The following SLC30A8 variants were observed in gnomAD, a reference collection of about 807,000 sequenced individuals.
SLC30A8 encodes solute carrier family 30 member 8.
In SLC30A8, 27 loss-of-function variants were observed where a neutral mutation model predicts 36.9. The observed-to-expected ratio is 0.73, with a 90% CI of 0.54 to 1.01. The LOEUF (loss-of-function observed/expected upper bound fraction) is 1.01, where lower values mean the gene tolerates loss of function less well. Ranked by LOEUF, SLC30A8 falls within the 50% of genes least tolerant of loss-of-function variation. The pLI is 0.00. For missense variants in SLC30A8, 439 were observed against 452.0 expected (o/e 0.97, Z 0.26); for synonymous variants, 164 against 172.4 (o/e 0.95, Z 0.38).
intron 1 of SLC30A8, among the ~76,000 whole-genome samples, chr8:117,137,625 G>A (rs2130938663): frequency 6.6e-6 from 1 of 152,098 alleles, no homozygotes; most frequent in Middle Eastern, 3.4e-3. Context: ...TGAGATCTTT[G>A]TGTTGGCTTT....
chr8:116,973,799 C>A (rs897456044), intron 1 of SLC30A8, among the ~76,000 whole-genome samples: 1 of 152,148 alleles, frequency 6.6e-6, no homozygotes, highest in Non-Finnish European at 1.5e-5. Context: ...TATTACAAGG[C>A]TACAGTAACC....
chr8:117,069,024 G>T (rs987386172), intron 2 of SLC30A8, among the ~76,000 whole-genome samples: 1 of 151,890 alleles, frequency 6.6e-6, no homozygotes, highest in African/African-American at 2.4e-5. Context: ...GCCTTTATTT[G>T]CCATTTTGCT....
intron 1 of SLC30A8, among the ~76,000 whole-genome samples, chr8:116,992,344 G>A (rs1415970221): frequency 6.6e-6 from 1 of 152,092 alleles, no homozygotes; most frequent in African/African-American, 2.4e-5. Flanking sequence ...AATTATAAAC[G>A]TTGGATTAAA....
At chr8:116,961,119 T>C (rs1814401899) in intron 1 of SLC30A8, among the ~76,000 whole-genome samples, 1 of 152,152 alleles carries the variant, frequency 6.6e-6, no homozygotes, top group South Asian at 2.1e-4. Flanking sequence ...TCTATATTAA[T>C]GGAGTGCCTT....
intron 2 of SLC30A8, among the ~76,000 whole-genome samples, chr8:117,097,415 AAAAAT>A (rs1217414188): frequency 0.01 from 1,146 of 113,482 alleles, 21 homozygotes; most frequent in Non-Finnish European, 0.016. Flanking sequence ...AAAAAAAAAA[AAAAAT>A]ATATATAAAT....
chr8:116,979,303 A>C (rs938141751), intron 1 of SLC30A8, among the ~76,000 whole-genome samples: 1 of 151,290 alleles, frequency 6.6e-6, no homozygotes, highest in Non-Finnish European at 1.5e-5. Context: ...TCTTTTAAGC[A>C]CTCATTCTAG....
At chr8:117,080,291 C>T (rs1236117683) in intron 2 of SLC30A8, among the ~76,000 whole-genome samples, 2 of 152,080 alleles carry the variant, frequency 1.3e-5, no homozygotes, top group Non-Finnish European at 2.9e-5. Flanking sequence ...CTACTGTTAA[C>T]ATTTGGCGCA....
At chr8:117,088,135 G>A (rs1818954471) in intron 2 of SLC30A8, among the ~76,000 whole-genome samples, 1 of 152,108 alleles carries the variant, frequency 6.6e-6, no homozygotes, top group African/African-American at 2.4e-5. Context: ...GCATAAGGCA[G>A]AGATCCAGAA....
chr8:117,116,119 A>G (rs1820432295), intron 2 of SLC30A8, among the ~76,000 whole-genome samples: 1 of 152,034 alleles, frequency 6.6e-6, no homozygotes, highest in South Asian at 2.1e-4. Context: ...CAATAGGACC[A>G]GTGTGGTTGG....
chr8:117,028,204 A>G (rs1449146949), intron 1 of SLC30A8, among the ~76,000 whole-genome samples: 1 of 152,172 alleles, frequency 6.6e-6, no homozygotes, highest in East Asian at 1.9e-4. Flanking sequence ...CTAATCTCAT[A>G]TCACAATCAC....
intron 1 of SLC30A8, among the ~76,000 whole-genome samples, chr8:117,137,623 TTG>T (rs1821422743): frequency 6.6e-6 from 1 of 151,948 alleles, no homozygotes; most frequent in Admixed American, 6.6e-5. Context: ...ACTGAGATCT[TTG>T]TGTTGGCTTT....
chr8:116,993,896 A>G (rs1815730408), intron 1 of SLC30A8, among the ~76,000 whole-genome samples: 1 of 152,004 alleles, frequency 6.6e-6, no homozygotes, highest in East Asian at 1.9e-4. Context: ...TTATACCAAT[A>G]CATTTAAAAT....
At chr8:116,970,948 A>T (rs1814775385) in intron 1 of SLC30A8, among the ~76,000 whole-genome samples, 1 of 152,146 alleles carries the variant, frequency 6.6e-6, no homozygotes, top group African/African-American at 2.4e-5. Flanking sequence ...CACAAAAGTT[A>T]GCCAGTTGTA....
At chr8:116,980,677 T>A (rs1815219620) in intron 1 of SLC30A8, among the ~76,000 whole-genome samples, 1 of 152,112 alleles carries the variant, frequency 6.6e-6, no homozygotes, top group African/African-American at 2.4e-5. Context: ...GAAAGGGGAA[T>A]AGAAAACTCT....
At chr8:117,049,966 ATG>A (rs1586442912) in intron 2 of SLC30A8, among the ~76,000 whole-genome samples, 2 of 152,148 alleles carry the variant, frequency 1.3e-5, no homozygotes, top group East Asian at 3.8e-4. Flanking sequence ...TGACCCGGGT[ATG>A]TGTCTTTCTT....
At chr8:117,054,953 G>C (rs1335196219) in intron 2 of SLC30A8, among the ~76,000 whole-genome samples, 1 of 152,122 alleles carries the variant, frequency 6.6e-6, no homozygotes, top group Non-Finnish European at 1.5e-5. Flanking sequence ...ATGGTTTCTA[G>C]TGTAAAAAGG....
intron 7 of SLC30A8, among the ~76,000 whole-genome samples, chr8:117,172,123 G>C (rs1823414571): frequency 6.6e-6 from 1 of 152,066 alleles, no homozygotes; most frequent in Admixed American, 6.6e-5. Context: ...AGCTCTAAAC[G>C]CTTCCTGGTT....
chr8:117,146,018 T>G (rs944078638), intron 1 of SLC30A8, among the ~76,000 whole-genome samples: 3 of 152,062 alleles, frequency 2.0e-5, no homozygotes, highest in African/African-American at 7.2e-5. Context: ...TACAAATGTA[T>G]GATTTGAGAG....
chr8:117,158,130 T>A (rs6983495), intron 4 of SLC30A8, among the ~76,000 whole-genome samples: 2 of 152,098 alleles, frequency 1.3e-5, no homozygotes, highest in African/African-American at 2.4e-5. Context: ...ACAACACCCC[T>A]ATGTTATAGA....
Sources: gnomAD v4.1 joint callset for allele counts (sites outside exome capture counted in the v4.1 genomes callset) on GRCh38, gnomAD v4.1.1 for gene constraint, MANE v1.5 for transcripts, NCBI Gene and HGNC (gene_info 2026-07-23, HGNC 2026-07-21) for gene names.